Variants in RAB1A observed in about 807,000 individuals in gnomAD.
RAB1A encodes ras-related protein Rab-1A.
RAB1A carries 2 observed loss-of-function variants against 26.0 expected under a neutral mutation model. That is an observed-to-expected ratio of 0.08 (90% confidence interval 0.03 to 0.24). The LOEUF (loss-of-function observed/expected upper bound fraction) is 0.24. Among genes scored for constraint, RAB1A ranks in the 10% least tolerant of loss-of-function variants. The probability of loss-of-function intolerance (pLI) is 1.00; values close to 1 mark genes in which losing one functional copy is unlikely to be tolerated. For missense variants in RAB1A, 100 were observed against 247.0 expected (o/e 0.40, Z 3.99); for synonymous variants, 84 against 84.9 (o/e 0.99, Z 0.06).
At chr2:65,117,733 GT>G (rs11286030) in intron 1 of RAB1A, among the ~76,000 whole-genome samples, 107,662 of 136,252 alleles carry the variant, frequency 0.79, 42,358 homozygotes, top group Non-Finnish European at 0.81. Flanking sequence ...CGTCCAGCTA[GT>G]TTTTTTTTTT....
rs186268150 is a variant in RAB1A at position 65,086,976 on chromosome 2, T to C, written c.*1517A>G. On this transcript the variant is annotated 3_prime_UTR_variant, in exon 6 of 6. Transcript: ENST00000409784. ...GTACCATGTATTTCAATTGCCTGTTTAGTGAAAAATAAAAATTAAAAAAAC... is the reference window on the plus strand; with the variant it reads ...GTACCATGTATTTCAATTGCCTGTTCAGTGAAAAATAAAAATTAAAAAAAC... 5.9e-5 allele frequency: 9 copies of C among 152,664 alleles called. No homozygotes were observed. Among genetic ancestry groups the C allele is most frequent in the Admixed American group, 3.3e-4 (5 of 15,292 alleles). 9.5% of individuals were successfully genotyped at this position (152,664 alleles called of 1,614,324 possible).
intron 1 of RAB1A, among the ~76,000 whole-genome samples, chr2:65,127,040 T>C (rs74824419): frequency 6.6e-6 from 1 of 152,268 alleles, no homozygotes; most frequent in African/African-American, 2.4e-5. Flanking sequence ...TTTCTCAAAT[T>C]CCTGTATTAT....
chr2:65,098,561 C>T lies in RAB1A; in HGVS notation c.97-495G>A, dbSNP rs549770806. 3.9e-5 allele frequency among the ~76,000 whole-genome samples: 6 copies of T among 151,932 alleles called. No homozygotes were observed. The South Asian group carries it at 1.2e-3, about 32-fold the overall frequency. ...TTTTTTTTAGATATAATGCACATAA[C>T]ATAAAAGTCACCCTTTTGAAGTGGA... is the stretch of plus-strand genomic sequence containing the variant. On this transcript the variant is annotated intron_variant, in intron 2 of 5. Coordinates refer to ENST00000409784, the MANE Select transcript of RAB1A (RefSeq NM_004161.5).
chr2:65,088,258 T>A lies in RAB1A; in HGVS notation c.*235A>T, dbSNP rs1008089773. ...GGAAAGCAACAAGGATTACACACAT[T>A]ATTTTATAAACCAGCACACAAAGGT... On this transcript the variant is annotated 3_prime_UTR_variant, in exon 6 of 6. Transcript: ENST00000409784. 7 of 436,208 alleles carry A rather than the reference T, an allele frequency of 1.6e-5. No homozygotes were observed. Among genetic ancestry groups the A allele is most frequent in the Admixed American group, 8.0e-5 (2 of 24,958 alleles). 27.0% of individuals were successfully genotyped at this position (436,208 alleles called of 1,614,324 possible).
intron 1 of RAB1A, among the ~76,000 whole-genome samples, chr2:65,123,086 A>C (rs1309235593): frequency 1.4e-3 from 3 of 2,090 alleles, no homozygotes; most frequent in African/African-American, 8.6e-3. Flanking sequence ...AACTACCCAG[A>C]AGAGAAAACA....
intron 2 of RAB1A, among the ~76,000 whole-genome samples, chr2:65,100,047 AC>A: frequency 6.6e-6 from 1 of 152,214 alleles, no homozygotes; most frequent in South Asian, 2.1e-4. Flanking sequence ...CAAGAAAACA[AC>A]CAAATGGAAA....
chr2:65,117,570 C>CT (rs374625066), intron 1 of RAB1A, among the ~76,000 whole-genome samples: 44 of 151,914 alleles, frequency 2.9e-4, no homozygotes, highest in African/African-American at 8.9e-4. Context: ...ATTTTAAATT[C>CT]TTTTTTTTGT....
chr2:65,087,031 A>G lies in RAB1A; in HGVS notation c.*1462T>C, dbSNP rs542949916. On this transcript the variant is annotated 3_prime_UTR_variant, in exon 6 of 6. Coordinates refer to ENST00000409784, the MANE Select transcript of RAB1A (RefSeq NM_004161.5). ...TCATTTTTGGCTTGTGTTTAGCTTA[A>G]ATTTTATCATTAAATTAAGGAGCCC... 3.9e-5 allele frequency: 6 copies of G among 152,356 alleles called. No individual in the cohort carries two copies. Among genetic ancestry groups the G allele is most frequent in the Admixed American group, 3.9e-4 (6 of 15,302 alleles). 9.4% of individuals were successfully genotyped at this position (152,356 alleles called of 1,614,324 possible). A position where few individuals can be genotyped will look rare whatever the true frequency, so the allele number is the denominator to read the frequency against.
chr2:65,126,673 T>C (rs990779691), intron 1 of RAB1A, among the ~76,000 whole-genome samples: 10 of 152,180 alleles, frequency 6.6e-5, no homozygotes, highest in African/African-American at 2.2e-4. Flanking sequence ...TTGTAAACAT[T>C]AGCTAATATA....
intron 1 of RAB1A, chr2:65,106,304 G>T (rs1669557459): frequency 3.7e-6 from 1 of 269,130 alleles, no homozygotes; most frequent in Non-Finnish European, 7.5e-6. Flanking sequence ...TTTGTATTTT[G>T]TCCTTTTTGA....
chr2:65,089,348 G>A (rs1412185651), intron 4 of RAB1A, among the ~76,000 whole-genome samples: 1 of 152,008 alleles, frequency 6.6e-6, no homozygotes, highest in Non-Finnish European at 1.5e-5. Context: ...GGATAGCTGG[G>A]ACTACAGGCA....
At chr2:65,129,460 C>G (rs1425261355) in intron 1 of RAB1A, among the ~76,000 whole-genome samples, 2 of 152,184 alleles carry the variant, frequency 1.3e-5, no homozygotes, top group Non-Finnish European at 2.9e-5. Flanking sequence ...GTTTCTACCC[C>G]GAAGATCCTG....
At chr2:65,092,346 C>T (rs1175583657) in intron 3 of RAB1A, among the ~76,000 whole-genome samples, 1 of 151,956 alleles carries the variant, frequency 6.6e-6, no homozygotes, top group African/African-American at 2.4e-5. Flanking sequence ...GATCAAGCTA[C>T]CCTGACTTCA....
At chr2:65,119,854 A>C (rs1182622663) in intron 1 of RAB1A, among the ~76,000 whole-genome samples, 1 of 149,234 alleles carries the variant, frequency 6.7e-6, no homozygotes, top group East Asian at 1.9e-4. Context: ...AAAAAAAAAA[A>C]AAAAAAAAAA....
In RAB1A at chr2:65,123,214, A is replaced by G. The variant is rs1236298103; in HGVS notation, c.23+6679T>C. Among the ~76,000 whole-genome samples, 6 of 135,408 alleles carry G rather than the reference A, an allele frequency of 4.4e-5. No individual in the cohort carries two copies. The East Asian group carries it at 1.4e-3, about 31-fold the overall frequency. The allele number at this position is 135,408 out of a possible 152,430, so 88.8% of individuals were successfully genotyped here. A position where few individuals can be genotyped will look rare whatever the true frequency, so the allele number is the denominator to read the frequency against. On this transcript the variant is annotated intron_variant, in intron 1 of 5. Coordinates refer to ENST00000409784, the MANE Select transcript of RAB1A (RefSeq NM_004161.5). ...GAGACAGAGTCTCGCTCTGTCGCCC[A>G]GGCTGGAGTGCAGTGGCGCGATCTC...
intron 1 of RAB1A, 28 bp downstream of exon 1, chr2:65,129,865 C>T: frequency 6.3e-7 from 1 of 1,589,036 alleles, no homozygotes; most frequent in Non-Finnish European, 8.6e-7. Flanking sequence ...CCCACGGACC[C>T]AGCCGACCGG....
intron 4 of RAB1A, among the ~76,000 whole-genome samples, chr2:65,089,448 T>A (rs1669117657): frequency 6.6e-6 from 1 of 152,038 alleles, no homozygotes. Flanking sequence ...ACTCCTGAGC[T>A]CAATCGGCCC....
At chr2:65,123,169 AT>A (rs571655114) in intron 1 of RAB1A, among the ~76,000 whole-genome samples, 3,406 of 136,012 alleles carry the variant, frequency 0.025, 42 homozygotes, top group Middle Eastern at 0.031. Flanking sequence ...ACATACGTAA[AT>A]TTTTTTTTTT....
At chr2:65,098,227 G>A (rs757630359) in intron 2 of RAB1A, among the ~76,000 whole-genome samples, 161 bp from the exon 3 acceptor site, 5 of 151,896 alleles carry the variant, frequency 3.3e-5, no homozygotes, top group African/African-American at 1.2e-4. Flanking sequence ...ATAACATGCT[G>A]ACAACAGCCA....
Sources: gnomAD v4.1 joint callset for allele counts (sites outside exome capture counted in the v4.1 genomes callset) on GRCh38, gnomAD v4.1.1 for gene constraint, MANE v1.5 for transcripts, NCBI Gene and HGNC (gene_info 2026-07-23, HGNC 2026-07-21) for gene names.